Variants in XKR6 observed in about 807,000 individuals in gnomAD.
The protein encoded by XKR6 is XK-related protein 6.
In XKR6, 22 loss-of-function variants were observed where a neutral mutation model predicts 56.7. That is an observed-to-expected ratio of 0.39 (90% CI 0.28 to 0.55). XKR6 has a LOEUF of 0.55. XKR6 is among the 20% of genes least tolerant of loss of function. XKR6 has a pLI of 0.66. For synonymous variants in XKR6, 524 were observed against 387.8 expected (o/e 1.35, Z -4.13); for missense variants, 852 against 889.0 (o/e 0.96, Z 0.53).
Position 11,052,194 on chromosome 8 carries a change from C to A in XKR6, c.765-127364G>T, listed in dbSNP as rs1253414736. ...CCCAGGGGAGCTGCGCTTGGGGTCTCCTGCCTGGAAGGCTTCTTGGATCTG... is the reference window on the plus strand; with the variant it reads ...CCCAGGGGAGCTGCGCTTGGGGTCTACTGCCTGGAAGGCTTCTTGGATCTG... On this transcript the variant is annotated intron_variant, in intron 1 of 2. Transcript: ENST00000416569. 3.3e-5 allele frequency among the ~76,000 whole-genome samples: 5 copies of A among 152,268 alleles called. 1 individual carries two copies. Among genetic ancestry groups the A allele is most frequent in the African/African-American group, 9.6e-5 (4 of 41,554 alleles).
chr8:10,973,851 T>A (rs1195256519), intron 1 of XKR6, among the ~76,000 whole-genome samples: 2 of 152,326 alleles, frequency 1.3e-5, no homozygotes, highest in South Asian at 4.1e-4. Context: ...TCTCAAAGTG[T>A]TGGAATTACA....
At chr8:11,028,010 T>G (rs1174842478) in intron 1 of XKR6, among the ~76,000 whole-genome samples, 4 of 152,304 alleles carry the variant, frequency 2.6e-5, no homozygotes, top group South Asian at 4.2e-4. Flanking sequence ...TACTTGGTGT[T>G]GAACATTCTG....
At chr8:11,143,433 C>G (rs570646146) in intron 1 of XKR6, among the ~76,000 whole-genome samples, 1 of 152,330 alleles carries the variant, frequency 6.6e-6, no homozygotes, top group South Asian at 2.1e-4. Flanking sequence ...CATTCTGCTG[C>G]CAATCTGCAG....
At chr8:10,959,824 G>A (rs566767267) in intron 1 of XKR6, among the ~76,000 whole-genome samples, 1 of 152,334 alleles carries the variant, frequency 6.6e-6, no homozygotes, top group African/African-American at 2.4e-5. Flanking sequence ...TTCCTCTGGT[G>A]TTCCAATGGC....
intron 1 of XKR6, among the ~76,000 whole-genome samples, chr8:11,093,769 T>G (rs943040707): frequency 6.6e-6 from 1 of 152,204 alleles, no homozygotes; most frequent in Admixed American, 6.5e-5. Context: ...TTCAGGGTCT[T>G]TACATTATGT....
chr8:11,029,465 A>G (rs926440585), intron 1 of XKR6, among the ~76,000 whole-genome samples: 23 of 152,248 alleles, frequency 1.5e-4, no homozygotes, highest in African/African-American at 5.5e-4. Flanking sequence ...CCATGATGGG[A>G]TTTCTGTCCT....
At chr8:11,008,344 C>T (rs1179613197) in intron 1 of XKR6, among the ~76,000 whole-genome samples, 2 of 151,786 alleles carry the variant, frequency 1.3e-5, no homozygotes, top group Admixed American at 6.6e-5. Flanking sequence ...CCACAGACTA[C>T]AGCCAGGCCT....
intron 1 of XKR6, among the ~76,000 whole-genome samples, chr8:10,934,593 G>C (rs1801159016): frequency 8.3e-6 from 1 of 120,380 alleles, no homozygotes; most frequent in Admixed American, 8.1e-5. Context: ...AATTTATTGA[G>C]AGTTTTTAGC....
intron 1 of XKR6, among the ~76,000 whole-genome samples, chr8:11,163,965 C>A (rs1801948204): frequency 6.6e-6 from 1 of 152,182 alleles, no homozygotes. Flanking sequence ...ATCCCTCAAA[C>A]CCAGCTATGT....
In XKR6 at chr8:11,200,338, G is replaced by C. The variant is rs1480176983; in HGVS notation, c.764+238C>G. On this transcript the variant is annotated intron_variant, in intron 1 of 2. Coordinates refer to ENST00000416569, the MANE Select transcript of XKR6 (RefSeq NM_173683.4). This position sits in a 1 kb window ranked among gnomAD's most constrained non-coding sequence, Gnocchi z 6.4. Reference sequence around the variant, plus strand: ...GGCAGGTTGGGGCAAGAGCCCCGCCGAGTGCGAAGCGGGGACGAGGACGGG... The same window carrying C: ...GGCAGGTTGGGGCAAGAGCCCCGCCCAGTGCGAAGCGGGGACGAGGACGGG... Among the ~76,000 whole-genome samples the C allele has an allele frequency of 6.6e-6, 1 of 152,358 alleles. No individual in the cohort carries two copies. The highest frequency in any genetic ancestry group is 2.4e-5 in the African/African-American group (1 of 41,590).
intron 1 of XKR6, among the ~76,000 whole-genome samples, chr8:10,995,551 G>C (rs1798092326): frequency 6.7e-6 from 1 of 149,854 alleles, no homozygotes; most frequent in African/African-American, 2.5e-5. Flanking sequence ...AGCCAGGCAT[G>C]GTGGCACACG....
At chr8:10,948,942 C>G (rs942571389) in intron 1 of XKR6, among the ~76,000 whole-genome samples, 2 of 152,158 alleles carry the variant, frequency 1.3e-5, no homozygotes, top group East Asian at 3.9e-4. Context: ...TTCAGGTGAT[C>G]GTCAATTCCC....
chr8:10,924,345 CT>C (rs1172211561), intron 2 of XKR6, among the ~76,000 whole-genome samples: 6 of 152,260 alleles, frequency 3.9e-5, no homozygotes, highest in Admixed American at 3.9e-4. Flanking sequence ...GCCACTGCCC[CT>C]GATGGGGAGA....
chr8:11,079,107 T>G (rs369582227), intron 1 of XKR6, among the ~76,000 whole-genome samples: 2 of 151,988 alleles, frequency 1.3e-5, no homozygotes, highest in African/African-American at 4.8e-5. Flanking sequence ...GAGAACAGAG[T>G]GCAGATCCCT....
At chr8:11,069,558 CT>C (rs1031140607) in intron 1 of XKR6, among the ~76,000 whole-genome samples, 1 of 152,194 alleles carries the variant, frequency 6.6e-6, no homozygotes, top group African/African-American at 2.4e-5. Flanking sequence ...AGGCATACCC[CT>C]AACCCCAACT....
At chr8:11,185,044 G>T in intron 1 of XKR6, among the ~76,000 whole-genome samples, 1 of 152,142 alleles carries the variant, frequency 6.6e-6, no homozygotes, top group South Asian at 2.1e-4. Context: ...TTTCCTCCCA[G>T]ACAAAGCTGG....
chr8:11,073,340 G>A (rs768429925), intron 1 of XKR6, among the ~76,000 whole-genome samples: 4 of 152,062 alleles, frequency 2.6e-5, no homozygotes, highest in Non-Finnish European at 5.9e-5. Flanking sequence ...AACTACATTG[G>A]GTCTTTGGGG....
At chr8:10,986,003 G>C (rs752081736) in intron 1 of XKR6, among the ~76,000 whole-genome samples, 5 of 152,192 alleles carry the variant, frequency 3.3e-5, no homozygotes, top group Non-Finnish European at 7.3e-5. Context: ...AAATATAGGA[G>C]AGAAGGAGAC....
intron 1 of XKR6, among the ~76,000 whole-genome samples, chr8:11,070,189 G>A (rs1325828289): frequency 2.6e-5 from 4 of 152,146 alleles, no homozygotes; most frequent in Non-Finnish European, 5.9e-5. Flanking sequence ...TAGGGTCCCC[G>A]TAGTCTCCAG....
Sources: gnomAD v4.1 joint callset for allele counts (sites outside exome capture counted in the v4.1 genomes callset) on GRCh38, gnomAD v4.1.1 for gene constraint, Gnocchi (gnomAD v3.1) non-coding constraint, MANE v1.5 for transcripts, NCBI Gene and HGNC (gene_info 2026-07-23, HGNC 2026-07-21) for gene names.